The following PXDNL variants were observed in gnomAD, a reference collection of about 807,000 sequenced individuals.
PXDNL encodes peroxidasin like, also known as probable oxidoreductase PXDNL.
In PXDNL, 145 loss-of-function variants were observed where a neutral mutation model predicts 150.8. The observed-to-expected ratio is 0.96, with a 90% CI of 0.84 to 1.10. The LOEUF (loss-of-function observed/expected upper bound fraction) is 1.10. PXDNL is among the 50% of genes least tolerant of loss of function. The pLI, the probability that PXDNL is intolerant of heterozygous loss-of-function variation, is 0.00. For synonymous variants in PXDNL, 757 were observed against 725.7 expected, an observed-to-expected ratio of 1.04 and a Z score of -0.69; for missense variants, 2,087 against 1,873.9, an observed-to-expected ratio of 1.11 and a Z score of -2.10.
intron 12 of PXDNL, among the ~76,000 whole-genome samples, chr8:51,444,543 G>A (rs1809627726): frequency 1.3e-5 from 2 of 152,070 alleles, no homozygotes; most frequent in South Asian, 4.1e-4. Flanking sequence ...ATACCCGAAG[G>A]AAATTCAAAA....
intron 5 of PXDNL, among the ~76,000 whole-genome samples, chr8:51,492,663 G>A (rs988398488): frequency 2.6e-5 from 4 of 152,152 alleles, no homozygotes; most frequent in Admixed American, 6.5e-5. Context: ...AGGGTCCTAC[G>A]CCCACGGAGC....
intron 2 of PXDNL, among the ~76,000 whole-genome samples, chr8:51,630,098 CA>C (rs1814460346): frequency 6.6e-6 from 1 of 151,950 alleles, no homozygotes; most frequent in Non-Finnish European, 1.5e-5. Flanking sequence ...ACACATAGAC[CA>C]ATGGAAAAGA....
chr8:51,433,927 A>T (rs1293124502), intron 12 of PXDNL, among the ~76,000 whole-genome samples: 1 of 152,156 alleles, frequency 6.6e-6, no homozygotes, highest in Non-Finnish European at 1.5e-5. Context: ...AATTATTATT[A>T]TTGCATATAG....
At chr8:51,349,170 TGTG>T (rs141746802) in intron 19 of PXDNL, among the ~76,000 whole-genome samples, 22,271 of 65,228 alleles carry the variant, frequency 0.34, 1,790 homozygotes, top group East Asian at 0.56. Context: ...TGGGTGTGTG[TGTG>T]GGGGTGTGTG....
intron 1 of PXDNL, among the ~76,000 whole-genome samples, chr8:51,663,062 T>G (rs1223147986): frequency 6.6e-6 from 1 of 152,180 alleles, no homozygotes; most frequent in Non-Finnish European, 1.5e-5. Context: ...TCATCCCAGC[T>G]GAAGCTCCAC....
intron 1 of PXDNL, among the ~76,000 whole-genome samples, chr8:51,751,185 G>A (rs2037042506): frequency 6.6e-6 from 1 of 152,130 alleles, no homozygotes; most frequent in Non-Finnish European, 1.5e-5. Context: ...GTAACAAAAT[G>A]CTCAGTCATA....
intron 17 of PXDNL, among the ~76,000 whole-genome samples, chr8:51,397,592 T>C (rs1240418932): frequency 6.6e-6 from 1 of 152,178 alleles, no homozygotes; most frequent in East Asian, 1.9e-4. Context: ...TGCAATGTAC[T>C]GTAAGTATTT....
intron 1 of PXDNL, among the ~76,000 whole-genome samples, chr8:51,687,576 T>G (rs1815905099): frequency 6.6e-6 from 1 of 152,224 alleles, no homozygotes; most frequent in Admixed American, 6.5e-5. Context: ...CTGAATGGAA[T>G]TAGAAAAGTC....
chr8:51,449,516 G>GT (rs776442625), intron 10 of PXDNL, among the ~76,000 whole-genome samples: 9 of 152,174 alleles, frequency 5.9e-5, no homozygotes, highest in Non-Finnish European at 1.0e-4. Context: ...TTTGAAACGA[G>GT]TTGATCTTTC....
At chr8:51,754,029 G>A (rs2037072661) in intron 1 of PXDNL, among the ~76,000 whole-genome samples, 1 of 152,110 alleles carries the variant, frequency 6.6e-6, no homozygotes, top group African/African-American at 2.4e-5. Flanking sequence ...TAGCTATTTT[G>A]ATAACAAGCG....
chr8:51,776,024 T>C (rs946956415), intron 1 of PXDNL, among the ~76,000 whole-genome samples: 1 of 152,186 alleles, frequency 6.6e-6, no homozygotes, highest in Non-Finnish European at 1.5e-5. Context: ...CGGCTGTCTT[T>C]TACAGTTGTG....
At chr8:51,361,937 C>CAAAAAAAAGAAAAAAAAAAAAAAA (rs1806756509) in intron 19 of PXDNL, among the ~76,000 whole-genome samples, 1 of 58,052 alleles carries the variant, frequency 1.7e-5, no homozygotes, top group African/African-American at 7.0e-5. Flanking sequence ...GATTCCATCT[C>CAAAAAAAAGAAAAAAAAAAAAAAA]AAAAAAAAAA....
intron 3 of PXDNL, among the ~76,000 whole-genome samples, chr8:51,568,269 AT>A (rs1371409520): frequency 6.6e-6 from 1 of 151,694 alleles, no homozygotes; most frequent in Non-Finnish European, 1.5e-5. Context: ...TCTTTGAAGG[AT>A]TTTTTAAACA....
intron 2 of PXDNL, among the ~76,000 whole-genome samples, chr8:51,614,011 G>A (rs536000260): frequency 6.6e-5 from 10 of 152,160 alleles, no homozygotes; most frequent in Non-Finnish European, 1.0e-4. Context: ...ACTGCTTGTC[G>A]CATTAGCCTC....
At chr8:51,368,605 A>G (rs1806991771) in intron 19 of PXDNL, among the ~76,000 whole-genome samples, 1 of 152,194 alleles carries the variant, frequency 6.6e-6, no homozygotes. Context: ...TTAATCATAC[A>G]TTTCATTCTA....
chr8:51,357,046 A>G (rs1377293069), intron 19 of PXDNL, among the ~76,000 whole-genome samples: 1 of 152,170 alleles, frequency 6.6e-6, no homozygotes. Flanking sequence ...AGTTGTTTTG[A>G]CATAATTTGG....
chr8:51,719,699 AT>A (rs200136778), intron 1 of PXDNL, among the ~76,000 whole-genome samples: 2,055 of 152,034 alleles, frequency 0.014, 29 homozygotes, highest in South Asian at 0.046. Context: ...TATAAACATG[AT>A]TTTTTTAAAA....
chr8:51,450,086 A>G (rs1300019290), intron 10 of PXDNL, among the ~76,000 whole-genome samples: 2 of 152,198 alleles, frequency 1.3e-5, no homozygotes, highest in Admixed American at 1.3e-4. Flanking sequence ...CAGCACTTAG[A>G]GTTCCTCCCC....
At chr8:51,533,606 G>T (rs1023090548) in intron 4 of PXDNL, among the ~76,000 whole-genome samples, 1 of 148,906 alleles carries the variant, frequency 6.7e-6, no homozygotes, top group African/African-American at 2.5e-5. Context: ...TGATTCTCCT[G>T]CCTCAGCCTG....
Sources: gnomAD v4.1 joint callset for allele counts (sites outside exome capture counted in the v4.1 genomes callset) on GRCh38, gnomAD v4.1.1 for gene constraint, MANE v1.5 for transcripts, NCBI Gene and HGNC (gene_info 2026-07-23, HGNC 2026-07-21) for gene names.